CERT1: variants seen among roughly 807,000 people sequenced by gnomAD.
The protein encoded by CERT1 is ceramide transporter 1.
In CERT1, 31 loss-of-function variants were observed where a neutral mutation model predicts 87.9. The observed-to-expected ratio is 0.35, with a 90% CI of 0.27 to 0.48. The LOEUF (loss-of-function observed/expected upper bound fraction) is 0.48. Ranked by LOEUF, CERT1 falls within the 20% of genes least tolerant of loss-of-function variation. The pLI is 0.99. For missense variants in CERT1, 487 were observed against 758.0 expected (o/e 0.64, Z 4.20); for synonymous variants, 289 against 250.9 (o/e 1.15, Z -1.44).
chr5:75,388,783 C>T (rs1044443693), intron 12 of CERT1, among the ~76,000 whole-genome samples: 2 of 151,554 alleles, frequency 1.3e-5, no homozygotes, highest in African/African-American at 4.8e-5. Flanking sequence ...TGGTACTGCA[C>T]CCAGCTAATT....
chr5:75,498,649 G>A (rs1294150822), intron 2 of CERT1, among the ~76,000 whole-genome samples: 2 of 152,234 alleles, frequency 1.3e-5, no homozygotes, highest in African/African-American at 4.8e-5. Context: ...GGGAAACTCC[G>A]CCTACATTTC....
intron 15 of CERT1, 117 bp from the exon 16 acceptor site, chr5:75,381,318 CT>C: frequency 8.8e-7 from 1 of 1,137,960 alleles, no homozygotes; most frequent in Non-Finnish European, 1.3e-6. Flanking sequence ...CCAGTGAAAT[CT>C]TATAAGCACC....
chr5:75,421,996 T>C (rs1219223716), intron 5 of CERT1, among the ~76,000 whole-genome samples: 1 of 152,186 alleles, frequency 6.6e-6, no homozygotes, highest in East Asian at 1.9e-4. Context: ...TTCAGAAGGC[T>C]TGTTTATAAT....
intron 11 of CERT1, among the ~76,000 whole-genome samples, chr5:75,393,263 G>C (rs1466289799): frequency 2.6e-5 from 4 of 151,822 alleles, no homozygotes; most frequent in African/African-American, 9.7e-5. Context: ...AGTTGAAAAT[G>C]ATTAGGTGAC....
intron 12 of CERT1, among the ~76,000 whole-genome samples, chr5:75,389,202 C>T (rs1761932458): frequency 6.6e-6 from 1 of 151,718 alleles, no homozygotes; most frequent in African/African-American, 2.4e-5. Context: ...AGGGTATAGA[C>T]CAAAAAGGGA....
chr5:75,490,352 C>A (rs976126951), intron 2 of CERT1, among the ~76,000 whole-genome samples: 2 of 152,064 alleles, frequency 1.3e-5, no homozygotes, highest in African/African-American at 4.8e-5. Flanking sequence ...TAATAAAAAA[C>A]CTTTTTTTCT....
Position 75,439,063 on chromosome 5 carries a change from C to A in CERT1, c.349-12585G>T, listed in dbSNP as rs547007733. ...CTACTGGTCAAAAAAAAATAGTAAC[C>A]TTTAGACTAAATCCAATATATATAT... is the stretch of plus-strand genomic sequence containing the variant. On this transcript the variant is annotated intron_variant, in intron 3 of 16. Coordinates refer to ENST00000643780, the MANE Select transcript of CERT1 (RefSeq NM_001379029.1). 1.7e-3 allele frequency among the ~76,000 whole-genome samples: 265 copies of A among 151,900 alleles called. 1 individual carries two copies. The highest frequency in any genetic ancestry group is 6.0e-3 in the African/African-American group (251 of 41,498).
chr5:75,386,138 GTC>G (rs1761775848), intron 12 of CERT1, 104 bp from the exon 13 acceptor site: 1 of 875,948 alleles, frequency 1.1e-6, no homozygotes, highest in African/African-American at 1.7e-5. Context: ...TTTTATGAAA[GTC>G]TATTTATAGA....
intron 2 of CERT1, among the ~76,000 whole-genome samples, chr5:75,467,650 G>GAAAAAAAAAAAAAAAAAAAAAAAAAAAA (rs58587061): frequency 7.5e-6 from 1 of 132,986 alleles, no homozygotes; most frequent in African/African-American, 2.9e-5. Flanking sequence ...CCAAAAAAAA[G>GAAAAAAAAAAAAAAAAAAAAAAAAAAAA]AAAAAAAAAA....
chr5:75,385,964 C>T lies in CERT1; in HGVS notation c.1355G>A (p.Gly452Asp), dbSNP rs1286958678. 1.3e-6 allele frequency: 2 copies of T among 1,597,160 alleles called. No homozygotes were observed. The highest frequency in any genetic ancestry group is 1.3e-5 in the African/African-American group (1 of 74,488). Residue 452 changes from glycine to aspartate, a missense_variant, in exon 13 of 17, where the codon GGC (glycine) becomes GAC (aspartate). Physicochemically the swap from Gly to Asp is moderately conservative, Grantham distance 94. Coordinates refer to ENST00000643780, the MANE Select transcript of CERT1 (RefSeq NM_001379029.1). ...DPLKATHAVK[G>D]VTGHEVCNYF... ...ATTGCAGACTTCATGTCCTGTGACG[C>T]CTTTAACTGCATGGGTAGCTTTTAA...
At chr5:75,430,532 G>A (rs935877770) in intron 3 of CERT1, among the ~76,000 whole-genome samples, 1 of 152,136 alleles carries the variant, frequency 6.6e-6, no homozygotes, top group Non-Finnish European at 1.5e-5. Flanking sequence ...TACAATGGGG[G>A]CACTGAATAC....
At position 75,406,547 on chromosome 5, in the gene CERT1, T is replaced by TC. The variant is rs1286599966; in HGVS notation, c.931-3490_931-3489insG. On this transcript the variant is annotated intron_variant, in intron 8 of 16. Coordinates refer to ENST00000643780, the MANE Select transcript of CERT1 (RefSeq NM_001379029.1). The stretch of plus-strand genomic sequence containing the variant: ...TGCCCTACATTATGGTAAGTCTTTT[T>TC]TTTTTTTTTTTGAGATGGAGTCTCA... 2.6e-5 allele frequency among the ~76,000 whole-genome samples: 4 copies of TC among 151,844 alleles called. No individual in the cohort carries two copies. In the East Asian group the frequency reaches 5.8e-4, roughly 22 times the overall value.
downstream of CERT1, chr5:75,377,658 G>A (rs1349437701): frequency 6.6e-6 from 1 of 152,106 alleles, no homozygotes; most frequent in Non-Finnish European, 1.5e-5. Flanking sequence ...AAGTGTATCT[G>A]TGTAGAAAAT....
intron 11 of CERT1, among the ~76,000 whole-genome samples, chr5:75,391,439 A>G (rs1291561167): frequency 6.6e-6 from 1 of 152,230 alleles, no homozygotes; most frequent in African/African-American, 2.4e-5. Flanking sequence ...TTTGTACTAA[A>G]TAAACACTAA....
chr5:75,504,648 G>A (rs1360294576), intron 2 of CERT1, among the ~76,000 whole-genome samples: 3 of 151,572 alleles, frequency 2.0e-5, no homozygotes, highest in Non-Finnish European at 4.4e-5. Context: ...CTTTGAGTGA[G>A]TTAGTAAACT....
intron 8 of CERT1, 30 bp from the exon 9 acceptor site, chr5:75,403,088 A>G (rs1762563374): frequency 6.8e-7 from 1 of 1,471,690 alleles, no homozygotes; most frequent in East Asian, 2.3e-5. Flanking sequence ...AGAAAAAAGC[A>G]GTTTATTTAA....
chr5:75,465,372 G>T (rs1341712247), intron 2 of CERT1, among the ~76,000 whole-genome samples: 1 of 152,158 alleles, frequency 6.6e-6, no homozygotes, highest in African/African-American at 2.4e-5. Flanking sequence ...ACTTAAAATT[G>T]TCTAAGTCTA....
At chr5:75,500,097 G>T (rs1170368075) in intron 2 of CERT1, among the ~76,000 whole-genome samples, 1 of 152,166 alleles carries the variant, frequency 6.6e-6, no homozygotes, top group African/African-American at 2.4e-5. Context: ...AGAGATTGGA[G>T]TGATGCATCC....
At chr5:75,368,889 G>GC (rs1443302568) in intron 17 of CERT1, 3 of 152,038 alleles carry the variant, frequency 2.0e-5, no homozygotes, top group Non-Finnish European at 4.4e-5. Flanking sequence ...TAAGCCCACT[G>GC]CAAGTTGAAA....
Sources: allele counts gnomAD v4.1 joint callset (sites outside exome capture counted in the v4.1 genomes callset), GRCh38; gene constraint gnomAD v4.1.1; transcripts MANE v1.5; gene names NCBI Gene and HGNC (gene_info 2026-07-23, HGNC 2026-07-21).